The following NBEA variants were observed in gnomAD, a reference collection of about 807,000 sequenced individuals.
NBEA encodes neurobeachin.
In NBEA, 44 loss-of-function variants were observed where a neutral mutation model predicts 343.4. The observed-to-expected ratio is 0.13, with a 90% CI of 0.10 to 0.16. NBEA has a LOEUF of 0.16. NBEA is among the 10% of genes least tolerant of loss of function. The pLI is 1.00. For missense variants in NBEA, 2,555 were observed against 3,631.3 expected (o/e 0.70, Z 7.62); for synonymous variants, 1,175 against 1,238.7 (o/e 0.95, Z 1.08).
chr13:35,423,692 T>C (rs539608646), intron 38 of NBEA, among the ~76,000 whole-genome samples: 89 of 152,182 alleles, frequency 5.8e-4, no homozygotes, highest in African/African-American at 1.9e-3. Flanking sequence ...TGAAAAAAGT[T>C]ATTGGTAGCT....
intron 34 of NBEA, among the ~76,000 whole-genome samples, chr13:35,233,574 T>G (rs1314182517): frequency 6.6e-6 from 1 of 152,142 alleles, no homozygotes; most frequent in Admixed American, 6.6e-5. Context: ...AGGGTTCTTG[T>G]GAAGATTAAA....
intron 30 of NBEA, among the ~76,000 whole-genome samples, chr13:35,195,272 A>G (rs562498327): frequency 1.3e-5 from 2 of 152,302 alleles, no homozygotes; most frequent in South Asian, 4.1e-4. Flanking sequence ...GGAAATTGTT[A>G]TAGGAACTAT....
chr13:35,521,187 T>C (rs956091797), intron 41 of NBEA, among the ~76,000 whole-genome samples: 1 of 151,932 alleles, frequency 6.6e-6, no homozygotes, highest in African/African-American at 2.4e-5. Flanking sequence ...ATAATTACTA[T>C]TTAATATTAT....
intron 1 of NBEA, among the ~76,000 whole-genome samples, chr13:34,967,477 G>C (rs73490346): frequency 0.077 from 11,668 of 151,772 alleles, 545 homozygotes; most frequent in African/African-American, 0.11. Context: ...CAACCATATG[G>C]CAAGGATTTG....
At chr13:35,556,312 A>G (rs1201186863) in intron 44 of NBEA, among the ~76,000 whole-genome samples, 1 of 152,112 alleles carries the variant, frequency 6.6e-6, no homozygotes, top group Non-Finnish European at 1.5e-5. Context: ...AGCATGGTGT[A>G]GCAGAAAGAA....
At chr13:34,943,449 C>T (rs1242252135) in intron 1 of NBEA, among the ~76,000 whole-genome samples, 1 of 152,036 alleles carries the variant, frequency 6.6e-6, no homozygotes, top group African/African-American at 2.4e-5. Context: ...GTGAGGAGGC[C>T]TCCTGTTCTC....
chr13:35,488,720 A>G (rs1594790165), intron 41 of NBEA, among the ~76,000 whole-genome samples: 1 of 151,936 alleles, frequency 6.6e-6, no homozygotes, highest in Non-Finnish European at 1.5e-5. Context: ...CTTGAAGCCA[A>G]TGTGAAAATT....
At chr13:35,081,531 T>G (rs2064398237) in intron 10 of NBEA, among the ~76,000 whole-genome samples, 1 of 151,976 alleles carries the variant, frequency 6.6e-6, no homozygotes, top group Admixed American at 6.6e-5. Context: ...GGGCAAGCTT[T>G]TTTTTTTTAA....
intron 38 of NBEA, among the ~76,000 whole-genome samples, chr13:35,393,486 G>C (rs1254208028): frequency 6.6e-6 from 1 of 152,000 alleles, no homozygotes; most frequent in African/African-American, 2.4e-5. Flanking sequence ...TTTATTTGGT[G>C]AAAATTGGAA....
At chr13:35,395,757 T>C (rs555912221) in intron 38 of NBEA, among the ~76,000 whole-genome samples, 2 of 152,288 alleles carry the variant, frequency 1.3e-5, no homozygotes, top group African/African-American at 4.8e-5. Flanking sequence ...CTAATATGAT[T>C]GTGAGATTAT....
In NBEA at chr13:35,224,114, C is replaced by T. The variant is rs143636993; in HGVS notation, c.5649-8378C>T. Among the ~76,000 whole-genome samples the T allele has an allele frequency of 7.2e-5, 11 of 152,298 alleles. No individual in the cohort carries two copies. The East Asian group carries it at 1.4e-3, about 19-fold the overall frequency. On this transcript the variant is annotated intron_variant, in intron 33 of 58. Transcript: ENST00000379939. ...GGGATCTGTCTGTTTTCCTCTTATA[C>T]GTATCTTTTCTGCCTTCCTCTTTTG...
intron 34 of NBEA, among the ~76,000 whole-genome samples, chr13:35,270,868 C>G (rs2034081873): frequency 6.6e-6 from 1 of 152,194 alleles, no homozygotes. Flanking sequence ...CAGAGCCCAC[C>G]ACAGCCCAGC....
chr13:35,084,252 C>T (rs2152611502), intron 10 of NBEA, among the ~76,000 whole-genome samples: 1 of 152,270 alleles, frequency 6.6e-6, no homozygotes, highest in East Asian at 1.9e-4. Context: ...GAACTCTCCA[C>T]CCCAGATCAG....
chr13:35,027,291 A>G lies in NBEA; in HGVS notation c.295-13642A>G, dbSNP rs565364300. ...TAGTGAAATTACTTGATAATATGCT[A>G]ACTGTATGTTTAGTTTTGTAATATA... On this transcript the variant is annotated intron_variant, in intron 1 of 58. Transcript: ENST00000379939. Among the ~76,000 whole-genome samples the G allele has an allele frequency of 2.6e-5, 4 of 152,210 alleles. 1 individual carries two copies. Among genetic ancestry groups the G allele is most frequent in the African/African-American group, 9.6e-5 (4 of 41,560 alleles).
intron 38 of NBEA, among the ~76,000 whole-genome samples, chr13:35,397,141 A>C (rs997721326): frequency 2.0e-5 from 3 of 152,216 alleles, no homozygotes; most frequent in Admixed American, 6.5e-5. Flanking sequence ...TCAAGACCCC[A>C]AATGAATTTG....
chr13:35,650,617 G>A (rs370552704), intron 52 of NBEA, among the ~76,000 whole-genome samples: 17 of 152,258 alleles, frequency 1.1e-4, no homozygotes, highest in African/African-American at 2.6e-4. Flanking sequence ...CAGGAGAAAC[G>A]CTTGAACCCG....
chr13:35,066,708 T>C (rs1337275798), intron 8 of NBEA, among the ~76,000 whole-genome samples: 1 of 152,056 alleles, frequency 6.6e-6, no homozygotes, highest in East Asian at 1.9e-4. Flanking sequence ...TTGAATCTTA[T>C]TTTATTATCC....
intron 6 of NBEA, among the ~76,000 whole-genome samples, chr13:35,053,090 A>T (rs1157226685): frequency 1.3e-5 from 2 of 152,062 alleles, no homozygotes. Context: ...AAATCTTTGC[A>T]GTGGCTTTTC....
chr13:35,625,629 A>T (rs1179688316), intron 48 of NBEA, among the ~76,000 whole-genome samples: 1 of 150,536 alleles, frequency 6.6e-6, no homozygotes, highest in Non-Finnish European at 1.5e-5. Flanking sequence ...TGTCTAAAAA[A>T]TAATAATAAT....
Sources: allele counts gnomAD v4.1 joint callset (sites outside exome capture counted in the v4.1 genomes callset), GRCh38; gene constraint gnomAD v4.1.1; transcripts MANE v1.5; gene names NCBI Gene and HGNC (gene_info 2026-07-23, HGNC 2026-07-21).